The following PITPNM2 variants were observed in gnomAD, a reference collection of about 807,000 sequenced individuals.
The protein encoded by PITPNM2 is phosphatidylinositol transfer protein membrane associated 2, also known as membrane-associated phosphatidylinositol transfer protein 2.
A neutral mutation model predicts 132.2 loss-of-function variants in PITPNM2; 35 were observed. That is an observed-to-expected ratio of 0.26 (90% CI 0.20 to 0.35). The LOEUF (loss-of-function observed/expected upper bound fraction) is 0.35, where lower values mean the gene tolerates loss of function less well. Ranked by LOEUF, PITPNM2 falls within the 10% of genes least tolerant of loss-of-function variation. The pLI is 1.00. For missense variants in PITPNM2, 1,332 were observed against 1,912.0 expected (o/e 0.70, Z 5.66); for synonymous variants, 738 against 799.2 (o/e 0.92, Z 1.29).
In PITPNM2 at chr12:123,108,323, C is replaced by T. The variant is rs1005215436; in HGVS notation, c.-96+2062G>A. On this transcript the variant is annotated intron_variant, in intron 2 of 25. Transcript: ENST00000320201. The surrounding 1 kb of genome is among the most constrained non-coding windows in gnomAD (Gnocchi z 4.4). ...CAAGGCCATGGTCTCTGCAAAGCCACTGCACTCTGGAATGCAGTTGTTAAG... is the reference window on the plus strand; with the variant it reads ...CAAGGCCATGGTCTCTGCAAAGCCATTGCACTCTGGAATGCAGTTGTTAAG... Among the ~76,000 whole-genome samples, 6 of 152,192 alleles carry T rather than the reference C, an allele frequency of 3.9e-5. No individual in the cohort carries two copies. The highest frequency in any genetic ancestry group is 1.4e-4 in the African/African-American group (6 of 41,448).
At chr12:123,034,052 C>T (rs1020942872) in intron 3 of PITPNM2, among the ~76,000 whole-genome samples, 1 of 152,192 alleles carries the variant, frequency 6.6e-6, no homozygotes, top group Non-Finnish European at 1.5e-5. Context: ...AGGGAGAAGG[C>T]GCCCATGTGC....
At chr12:123,056,550 C>T (rs2136707591) in intron 2 of PITPNM2, among the ~76,000 whole-genome samples, 1 of 152,344 alleles carries the variant, frequency 6.6e-6, no homozygotes, top group Middle Eastern at 3.4e-3. Flanking sequence ...CTCTTGCCAA[C>T]TCCAGGAGGC....
intron 1 of PITPNM2, among the ~76,000 whole-genome samples, chr12:123,124,269 A>G (rs2043092801): frequency 6.6e-6 from 1 of 152,012 alleles, no homozygotes; most frequent in African/African-American, 2.4e-5. Context: ...AAAATAAAAT[A>G]AAAATACAAA....
chr12:123,121,202 C>T (rs1375041711), intron 1 of PITPNM2, among the ~76,000 whole-genome samples: 3 of 152,184 alleles, frequency 2.0e-5, no homozygotes, highest in African/African-American at 7.2e-5. Flanking sequence ...GCTAATGGGC[C>T]AAGCTGTTCA....
chr12:123,073,380 C>T (rs1592992538), intron 2 of PITPNM2, among the ~76,000 whole-genome samples: 1 of 152,200 alleles, frequency 6.6e-6, no homozygotes, highest in Non-Finnish European at 1.5e-5. Flanking sequence ...ACACTCCTGA[C>T]CCATTGAAGA....
At chr12:123,134,602 T>C (rs2043335844) in intron 1 of PITPNM2, among the ~76,000 whole-genome samples, 1 of 152,032 alleles carries the variant, frequency 6.6e-6, no homozygotes, top group Admixed American at 6.6e-5. Context: ...TGTTCCTTCT[T>C]GGGTGCGCCC....
intron 1 of PITPNM2, among the ~76,000 whole-genome samples, chr12:123,116,550 G>A (rs1472216744): frequency 6.6e-6 from 1 of 151,452 alleles, no homozygotes; most frequent in African/African-American, 2.4e-5. Context: ...TCAGGAGGCC[G>A]AAGCAGGAGA....
Position 123,117,617 on chromosome 12 carries a change from C to T in PITPNM2, c.-199-7129G>A, listed in dbSNP as rs896261141. ...ACAGAAGGGAATACTGACCTGTAAT[C>T]CAAAGCCCTGCATCAAGTCCAATGA... is the stretch of plus-strand genomic sequence containing the variant. On this transcript the variant is annotated intron_variant, in intron 1 of 25. Transcript: ENST00000320201. This position sits in a 1 kb window ranked among gnomAD's most constrained non-coding sequence, Gnocchi z 4.7. Among the ~76,000 whole-genome samples the T allele has an allele frequency of 6.6e-6, 1 of 152,174 alleles. No homozygotes were observed. Among genetic ancestry groups the T allele is most frequent in the African/African-American group, 2.4e-5 (1 of 41,442 alleles).
At chr12:123,044,702 C>T (rs1398665137) in intron 2 of PITPNM2, among the ~76,000 whole-genome samples, 1 of 152,200 alleles carries the variant, frequency 6.6e-6, no homozygotes, top group Non-Finnish European at 1.5e-5. Flanking sequence ...CTCCTGCAGT[C>T]CTACTTCAGT....
At chr12:123,006,053 G>C (rs1469365335) in intron 6 of PITPNM2, 1 of 153,114 alleles carries the variant, frequency 6.5e-6, no homozygotes, top group Admixed American at 6.5e-5. Flanking sequence ...TAAGCCTGCA[G>C]TGAGCTATGA....
rs2037945621 is a variant in PITPNM2 at position 122,986,609 on chromosome 12, C to T, written c.3597+37G>A. On this transcript the variant is annotated intron_variant, in intron 24 of 25. Coordinates refer to ENST00000320201, the MANE Select transcript of PITPNM2 (RefSeq NM_020845.3). ...GGCACAGGCACCATGGTCCCTCTGC[C>T]CCCACCCCTGCCCTGCCCCATCCTC... 1.5e-5 allele frequency: 24 copies of T among 1,602,632 alleles called. No individual in the cohort carries two copies. The East Asian group carries it at 5.4e-4, about 36-fold the overall frequency.
At chr12:123,050,448 C>T (rs2040821024) in intron 2 of PITPNM2, among the ~76,000 whole-genome samples, 1 of 152,178 alleles carries the variant, frequency 6.6e-6, no homozygotes, top group African/African-American at 2.4e-5. Context: ...CAGAATGGTA[C>T]CAGACTCTGT....
At chr12:123,086,162 C>T (rs941159135) in intron 2 of PITPNM2, among the ~76,000 whole-genome samples, 4 of 152,196 alleles carry the variant, frequency 2.6e-5, no homozygotes, top group Admixed American at 2.6e-4. Flanking sequence ...GCAAGGTAGC[C>T]GTGAGCAAGA....
At chr12:122,989,986 G>A in intron 17 of PITPNM2, 38 bp from the exon 18 acceptor site, 1 of 1,295,592 alleles carries the variant, frequency 7.7e-7, no homozygotes, top group South Asian at 2.7e-5. Context: ...AGCCACGCGG[G>A]GATGACCGCA....
At chr12:123,132,678 C>G (rs1003644589) in intron 1 of PITPNM2, among the ~76,000 whole-genome samples, 1 of 152,040 alleles carries the variant, frequency 6.6e-6, no homozygotes, top group Admixed American at 6.6e-5. Flanking sequence ...CATTCCCCAT[C>G]TCCCCTCCCC....
intron 3 of PITPNM2, among the ~76,000 whole-genome samples, chr12:123,025,312 C>T (rs1314503447): frequency 6.6e-6 from 1 of 152,046 alleles, no homozygotes; most frequent in African/African-American, 2.4e-5. Context: ...TGGCCCAGAG[C>T]GATTGAGTCC....
intron 6 of PITPNM2, among the ~76,000 whole-genome samples, chr12:123,007,583 T>G (rs2038994534): frequency 6.6e-6 from 1 of 152,100 alleles, no homozygotes. Context: ...TTGCTCAGCC[T>G]TCCTTTCTAA....
At chr12:122,991,886 T>C in intron 16 of PITPNM2, 1 of 1,312,992 alleles carries the variant, frequency 7.6e-7, no homozygotes, top group Non-Finnish European at 9.7e-7. Flanking sequence ...AGGGTTTCTC[T>C]GCACGGTCTC....
In PITPNM2 at chr12:123,117,895, A is replaced by G. The variant is rs1221751847; in HGVS notation, c.-199-7407T>C. Reference sequence around the variant, plus strand: ...TCCACCACTTCAAAGCCTGGCCCCCAGAATGCCCCATGCAATCTCCTATGC... The same window carrying G: ...TCCACCACTTCAAAGCCTGGCCCCCGGAATGCCCCATGCAATCTCCTATGC... On this transcript the variant is annotated intron_variant, in intron 1 of 25. Coordinates refer to ENST00000320201, the MANE Select transcript of PITPNM2 (RefSeq NM_020845.3). The surrounding 1 kb of genome is among the most constrained non-coding windows in gnomAD (Gnocchi z 4.7). Among the ~76,000 whole-genome samples, 3 of 152,204 alleles carry G rather than the reference A, an allele frequency of 2.0e-5. No homozygotes were observed. The highest frequency in any genetic ancestry group is 6.5e-5 in the Admixed American group (1 of 15,280).
Sources: allele counts gnomAD v4.1 joint callset (sites outside exome capture counted in the v4.1 genomes callset), GRCh38; gene constraint gnomAD v4.1.1; non-coding constraint Gnocchi (gnomAD v3.1); transcripts MANE v1.5; gene names NCBI Gene and HGNC (gene_info 2026-07-23, HGNC 2026-07-21).